Variants in DHX9 observed in about 807,000 individuals in gnomAD.
DHX9 encodes DExH-box helicase 9.
In DHX9, 27 loss-of-function variants were observed where a neutral mutation model predicts 148.7. The ratio of observed to expected loss-of-function variants is 0.18; its 90% CI spans 0.13 to 0.25. DHX9 has a LOEUF of 0.25. Ranked by LOEUF, DHX9 falls within the 10% of genes least tolerant of loss-of-function variation. The probability of loss-of-function intolerance (pLI) is 1.00; values close to 1 mark genes in which losing one functional copy is unlikely to be tolerated. For synonymous variants in DHX9, 529 were observed against 516.6 expected (o/e 1.02, Z -0.33); for missense variants, 796 against 1,559.6 (o/e 0.51, Z 8.25).
rs946996721 is a variant in DHX9 at position 182,880,746 on chromosome 1, A to G, written c.2624+138A>G. 21 of 613,304 alleles carry G rather than the reference A, an allele frequency of 3.4e-5. 2 individuals carry two copies. In the South Asian group the frequency reaches 3.7e-4, roughly 11 times the overall value. The allele number at this position is 613,304 out of a possible 1,614,324, so 38.0% of individuals were successfully genotyped here. ...CTTCAGGGAAGTAACATACCTAGAT[A>G]TTGAGAGCAGTGTAACACTAAAAAA... On this transcript the variant is annotated intron_variant, in intron 22 of 27. Coordinates refer to ENST00000367549, the MANE Select transcript of DHX9 (RefSeq NM_001357.5).
In DHX9 at chr1:182,883,152, A is replaced by C. The variant is rs772763875; in HGVS notation, c.2928A>C (p.Thr976=). 1 of 1,613,182 alleles carries C rather than the reference A, an allele frequency of 6.2e-7. No homozygotes were observed. The highest frequency in any genetic ancestry group is 1.1e-5 in the South Asian group (1 of 91,068). Residue 976 remains threonine (T), a synonymous_variant, in exon 25 of 28, where the codon ACA becomes ACC. Coordinates refer to ENST00000367549, the MANE Select transcript of DHX9 (RefSeq NM_001357.5). The stretch of plus-strand genomic sequence containing the variant: ...TCCTCTTAACAGATTGTTTGTTGAC[A>C]CAAGTGTTTACTAACACTGGACCAG... ...NSGFPEDCLL[T]QVFTNTGPDN...
Position 182,887,167 on chromosome 1 carries a change from TGGA to T in DHX9, c.3549_3551del (p.Gly1184del). Reference sequence around the variant, plus strand: ...GAAGGGGAGGTTCTAGTTACAGTGGTGGAGGCTATGGCGGTGGCTATAGCAGTG... The same window carrying T: ...GAAGGGGAGGTTCTAGTTACAGTGGTGGCTATGGCGGTGGCTATAGCAGTG... On this transcript the variant is annotated inframe_deletion, in exon 28 of 28. Transcript: ENST00000367549. 1.2e-6 allele frequency: 2 copies of T among 1,614,094 alleles called. No homozygotes were observed. The highest frequency in any genetic ancestry group is 1.7e-6 in the Non-Finnish European group (2 of 1,179,974).
chr1:182,882,008 C>T (rs1251796755), intron 24 of DHX9, among the ~76,000 whole-genome samples: 2 of 152,088 alleles, frequency 1.3e-5, no homozygotes, highest in Non-Finnish European at 2.9e-5. Flanking sequence ...TTTTCTTTTC[C>T]AACTAGGTTA....
chr1:182,880,844 G>A (rs1649052269), intron 22 of DHX9, among the ~76,000 whole-genome samples: 1 of 152,124 alleles, frequency 6.6e-6, no homozygotes, highest in Admixed American at 6.5e-5. Context: ...AAAGTTAAAA[G>A]CAAGCAGGCC....
At position 182,853,426 on chromosome 1, in the gene DHX9, C is replaced by T. The variant is rs201554390; in HGVS notation, c.477+8C>T. 6.3e-7 allele frequency: 1 copy of T among 1,598,528 alleles called. No individual in the cohort carries two copies. The highest frequency in any genetic ancestry group is 1.1e-5 in the South Asian group (1 of 90,262). ...GAACAAGAAGTGCAAGCGGTAAGGC[C>T]AGCACCGTAGGTTACATCTCTGAGA... is the stretch of plus-strand genomic sequence containing the variant. On this transcript the variant is annotated splice_region_variant and intron_variant, in intron 5 of 27. Coordinates refer to ENST00000367549, the MANE Select transcript of DHX9 (RefSeq NM_001357.5).
chr1:182,850,335 C>G (rs983857102), intron 3 of DHX9, among the ~76,000 whole-genome samples: 1 of 152,034 alleles, frequency 6.6e-6, no homozygotes, highest in South Asian at 2.1e-4. Context: ...TGGCTCACAC[C>G]TGTAATACCA....
intron 16 of DHX9, among the ~76,000 whole-genome samples, 184 bp from the exon 17 acceptor site, chr1:182,875,866 C>T (rs1029467462): frequency 1.1e-4 from 16 of 152,084 alleles, no homozygotes; most frequent in Non-Finnish European, 1.6e-4. Flanking sequence ...TGGAAAAGTT[C>T]AGTATATTGA....
chr1:182,872,382 C>T lies in DHX9; in HGVS notation c.1603C>T (p.Pro535Ser). 6.2e-7 allele frequency: 1 copy of T among 1,613,826 alleles called. No individual in the cohort carries two copies. Among genetic ancestry groups the T allele is most frequent in the Non-Finnish European group, 8.5e-7 (1 of 1,179,922 alleles). Reference sequence around the variant, plus strand: ...ACTGCGTGATGTTGTTCAGGCTTATCCTGAAGTTCGCATTGTTCTTATGTC... The same window carrying T: ...ACTGCGTGATGTTGTTCAGGCTTATTCTGAAGTTCGCATTGTTCTTATGTC... ...VVLRDVVQAY[P>S]EVRIVLMSAT... The change falls in exon 15 of 28, where the codon CCT becomes TCT. Residue 535 changes from proline to serine, a missense_variant. Physicochemically the swap from Pro to Ser is moderately conservative, Grantham distance 74 (BLOSUM62 -1). Coordinates refer to ENST00000367549, the MANE Select transcript of DHX9 (RefSeq NM_001357.5).
At chr1:182,871,339 T>G (rs138796925) in intron 14 of DHX9, among the ~76,000 whole-genome samples, 55 of 152,344 alleles carry the variant, frequency 3.6e-4, no homozygotes, top group African/African-American at 1.3e-3. Flanking sequence ...AAGACACTGC[T>G]TTATATCTGT....
In DHX9 at chr1:182,868,520, C is replaced by CTTTTTTTTTTTTTTTTTTTTTTTTT. The variant is rs59218081; in HGVS notation, c.1557+1491_1557+1492insTTTTTTTTTTTTTTTTTTTTTTTTT. Among the ~76,000 whole-genome samples, 138 of 127,476 alleles carry CTTTTTTTTTTTTTTTTTTTTTTTTT rather than the reference C, an allele frequency of 1.1e-3. 16 individuals are homozygous for CTTTTTTTTTTTTTTTTTTTTTTTTT. Among genetic ancestry groups the CTTTTTTTTTTTTTTTTTTTTTTTTT allele is most frequent in the African/African-American group, 4.6e-3 (129 of 27,836 alleles). 83.6% of individuals were successfully genotyped at this position (127,476 alleles called of 152,430 possible). A position where few individuals can be genotyped will look rare whatever the true frequency, so the allele number is the denominator to read the frequency against. The stretch of plus-strand genomic sequence containing the variant: ...GATAATCTAACACTTATTTTAATTC[C>CTTTTTTTTTTTTTTTTTTTTTTTTT]TTTTTTTTTTTTTTGAGGAGTCTTG... On this transcript the variant is annotated intron_variant, in intron 14 of 27. Coordinates refer to ENST00000367549, the MANE Select transcript of DHX9 (RefSeq NM_001357.5).
chr1:182,876,793 G>T (rs922999321), intron 18 of DHX9, 37 bp from the exon 19 acceptor site: 2 of 1,491,156 alleles, frequency 1.3e-6, no homozygotes, highest in African/African-American at 2.8e-5. Flanking sequence ...TAACTAATAA[G>T]AATATTTTCT....
intron 19 of DHX9, 71 bp downstream of exon 19, chr1:182,876,974 T>C: frequency 9.4e-7 from 1 of 1,059,706 alleles, no homozygotes; most frequent in East Asian, 2.4e-5. Flanking sequence ...GTTAACAGAA[T>C]CAAAAACACC....
chr1:182,850,352 C>A (rs78988081), intron 3 of DHX9, among the ~76,000 whole-genome samples: 1 of 151,724 alleles, frequency 6.6e-6, no homozygotes, highest in African/African-American at 2.4e-5. Flanking sequence ...ACCAACACTT[C>A]GGGAGATAGA....
At chr1:182,879,167 C>A in intron 20 of DHX9, 83 bp from the exon 21 acceptor site, 10 of 1,145,974 alleles carry the variant, frequency 8.7e-6, no homozygotes, top group Non-Finnish European at 1.2e-5. Flanking sequence ...AGCTCTGTAT[C>A]CCTGATTACC....
At chr1:182,863,823 A>G (rs1433487639) in intron 12 of DHX9, among the ~76,000 whole-genome samples, 1 of 151,836 alleles carries the variant, frequency 6.6e-6, no homozygotes, top group African/African-American at 2.4e-5. Context: ...TTGGTGTACT[A>G]CAAGAGTAAT....
At chr1:182,874,662 A>G (rs1648683162) in intron 15 of DHX9, among the ~76,000 whole-genome samples, 192 bp from the exon 16 acceptor site, 2 of 152,166 alleles carry the variant, frequency 1.3e-5, no homozygotes, top group South Asian at 2.1e-4. Flanking sequence ...CCCTCCTTCA[A>G]GGTCTAAGAG....
intron 22 of DHX9, 40 bp downstream of exon 22, chr1:182,880,648 A>G: frequency 7.5e-7 from 1 of 1,331,464 alleles, no homozygotes; most frequent in Non-Finnish European, 1.1e-6. Flanking sequence ...AAGTGGCAGA[A>G]TAATTTCAGA....
chr1:182,886,085 G>C (rs1227496004), intron 27 of DHX9, among the ~76,000 whole-genome samples: 1 of 152,202 alleles, frequency 6.6e-6, no homozygotes, highest in Admixed American at 6.5e-5. Flanking sequence ...CAGATTTGTG[G>C]TAGAATCAAT....
At chr1:182,865,628 T>C (rs1648260712) in intron 12 of DHX9, among the ~76,000 whole-genome samples, 3 of 152,218 alleles carry the variant, frequency 2.0e-5, no homozygotes, top group Admixed American at 2.0e-4. Flanking sequence ...GCAGGATAAA[T>C]ATGAGCCAGG....
Sources: gnomAD v4.1 joint callset for allele counts (sites outside exome capture counted in the v4.1 genomes callset) on GRCh38, gnomAD v4.1.1 for gene constraint, MANE v1.5 for transcripts, NCBI Gene and HGNC (gene_info 2026-07-23, HGNC 2026-07-21) for gene names.